DNAJC10: variants seen among roughly 807,000 people sequenced by gnomAD.
DNAJC10 encodes the protein endoplasmic reticulum disulfide reductase DNAJC10.
A neutral mutation model predicts 115.0 loss-of-function variants in DNAJC10; 101 were observed. That is an observed-to-expected ratio of 0.88 (90% CI 0.75 to 1.04). The LOEUF is 1.04. DNAJC10 is among the 50% of genes least tolerant of loss of function. The pLI is 0.00. For synonymous variants in DNAJC10, 307 were observed against 301.5 expected (o/e 1.02, Z -0.19); for missense variants, 981 against 928.8 (o/e 1.06, Z -0.73).
At chr2:182,751,141 T>G (rs959679375) in intron 14 of DNAJC10, among the ~76,000 whole-genome samples, 2 of 135,878 alleles carry the variant, frequency 1.5e-5, no homozygotes, top group Non-Finnish European at 3.1e-5. Context: ...TTTTTTTTTT[T>G]TTTTTTTTTT....
At chr2:182,770,366 C>T (rs533663533) in intron 22 of DNAJC10, among the ~76,000 whole-genome samples, 85 of 152,154 alleles carry the variant, frequency 5.6e-4, no homozygotes, top group African/African-American at 2.0e-3. Flanking sequence ...TCATTGGTAG[C>T]TTGATGGGGA....
chr2:182,719,688 GA>G (rs1167831523), intron 3 of DNAJC10, among the ~76,000 whole-genome samples: 3 of 151,704 alleles, frequency 2.0e-5, no homozygotes, highest in African/African-American at 7.3e-5. Flanking sequence ...ATGAAATTAA[GA>G]GTTTCAACAG....
At chr2:182,768,780 T>C (rs1242772434) in intron 22 of DNAJC10, among the ~76,000 whole-genome samples, 3 of 152,156 alleles carry the variant, frequency 2.0e-5, no homozygotes, top group Admixed American at 1.3e-4. Context: ...GTGCTAATGA[T>C]TGTATTAGAG....
At chr2:182,752,211 AT>A (rs1559015720) in intron 16 of DNAJC10, 23 bp downstream of exon 16, 1 of 1,245,226 alleles carries the variant, frequency 8.0e-7, no homozygotes, top group Non-Finnish European at 1.1e-6. Context: ...ATCAAAAATT[AT>A]TCTAATTAAT....
At chr2:182,738,980 AT>A (rs1162966929) in intron 11 of DNAJC10, among the ~76,000 whole-genome samples, 2 of 151,936 alleles carry the variant, frequency 1.3e-5, no homozygotes, top group Admixed American at 1.3e-4. Flanking sequence ...TTATAATGAG[AT>A]TCTAGTAGAT....
chr2:182,736,965 G>T (rs1693601054), intron 11 of DNAJC10, among the ~76,000 whole-genome samples: 1 of 152,166 alleles, frequency 6.6e-6, no homozygotes, highest in Non-Finnish European at 1.5e-5. Flanking sequence ...GGCCAGGCTG[G>T]TCTTGAACTC....
rs1192943860 is a variant in DNAJC10, at chr2:182,785,510, A to G, written c.*8378A>G. 1 of 152,132 alleles carries G rather than the reference A, an allele frequency of 6.6e-6. No individual in the cohort carries two copies. Among genetic ancestry groups the G allele is most frequent in the Non-Finnish European group, 1.5e-5 (1 of 67,994 alleles). 9.4% of individuals were successfully genotyped at this position (152,132 alleles called of 1,614,324 possible). A position where few individuals can be genotyped will look rare whatever the true frequency, so the allele number is the denominator to read the frequency against. On this transcript the variant is annotated 3_prime_UTR_variant, in exon 24 of 24. Coordinates refer to ENST00000264065, the MANE Select transcript of DNAJC10 (RefSeq NM_018981.4). Reference sequence around the variant, plus strand: ...ATTATCCTAATTAACTCGTTTGTTAAGTGGAAAAAATATTTCAGTAGGTAG... The same window carrying G: ...ATTATCCTAATTAACTCGTTTGTTAGGTGGAAAAAATATTTCAGTAGGTAG...
rs201003044 is a variant in DNAJC10, at chr2:182,738,603, C to T, written c.988-1696C>T. On this transcript the variant is annotated intron_variant, in intron 11 of 23. Transcript: ENST00000264065. ...TCGCCCAGGCTGGAGTGCAGTGGTG[C>T]GATCTCCACTCACTGCAAGCTCCAC... Among the ~76,000 whole-genome samples, 31 of 151,246 alleles carry T rather than the reference C, an allele frequency of 2.0e-4. No individual in the cohort carries two copies. In the East Asian group the frequency reaches 5.5e-3, roughly 27 times the overall value.
rs1694781741 is a variant in DNAJC10 at position 182,779,128 on chromosome 2, G to T, written c.*1996G>T. ...TGTCCTATAATTTGACCTAAGCTGT[G>T]TGCCTTTGGAATCAGCTCTAAGCCA... is the stretch of plus-strand genomic sequence containing the variant. On this transcript the variant is annotated 3_prime_UTR_variant, in exon 24 of 24. Coordinates refer to ENST00000264065, the MANE Select transcript of DNAJC10 (RefSeq NM_018981.4). 6.6e-6 allele frequency: 1 copy of T among 152,184 alleles called. No homozygotes were observed. Among genetic ancestry groups the T allele is most frequent in the South Asian group, 2.1e-4 (1 of 4,834 alleles). The allele number at this position is 152,184 out of a possible 1,614,324, so 9.4% of individuals were successfully genotyped here.
chr2:182,776,418 A>G (rs945384205), intron 23 of DNAJC10, among the ~76,000 whole-genome samples: 2 of 152,208 alleles, frequency 1.3e-5, no homozygotes, highest in African/African-American at 4.8e-5. Context: ...ACTGTAGATC[A>G]TACTTAAAAA....
chr2:182,720,805 T>C (rs760968424), intron 4 of DNAJC10, among the ~76,000 whole-genome samples: 6 of 152,164 alleles, frequency 3.9e-5, no homozygotes, highest in Non-Finnish European at 5.9e-5. Context: ...TTCAATATAT[T>C]TTAGAGCATC....
intron 22 of DNAJC10, among the ~76,000 whole-genome samples, chr2:182,765,673 C>T (rs143325612): frequency 1.2e-4 from 19 of 152,284 alleles, no homozygotes; most frequent in African/African-American, 4.6e-4. Context: ...GTGGTCGATT[C>T]TCTAACAACA....
intron 23 of DNAJC10, among the ~76,000 whole-genome samples, chr2:182,776,105 T>C (rs1694697279): frequency 6.6e-6 from 1 of 152,134 alleles, no homozygotes; most frequent in South Asian, 2.1e-4. Flanking sequence ...TGTGGGAATT[T>C]TATGGTATGT....
rs1043484364 is a variant in DNAJC10, at chr2:182,731,043, C to A, written c.741C>A (p.Asn247Lys). The change falls in exon 9 of 24, where the codon AAC becomes AAA. Residue 247 changes from asparagine (N) to lysine (K), a missense_variant. Asn to Lys is a moderately conservative substitution (Grantham distance 94). Coordinates refer to ENST00000264065, the MANE Select transcript of DNAJC10 (RefSeq NM_018981.4). ...VTELWTGNFV[N>K]SIQTAFAAGI... ...TTTATTTTTAAGGAAATTTTGTCAACTCCATACAAACTGCTTTTGCTGCTG... is the reference window on the plus strand; with the variant it reads ...TTTATTTTTAAGGAAATTTTGTCAAATCCATACAAACTGCTTTTGCTGCTG... The A allele has an allele frequency of 1.2e-6, 2 of 1,612,394 alleles. No homozygotes were observed. Among genetic ancestry groups the A allele is most frequent in the Non-Finnish European group, 1.7e-6 (2 of 1,179,182 alleles).
At chr2:182,755,595 T>C (rs940040892) in intron 17 of DNAJC10, among the ~76,000 whole-genome samples, 5 of 152,184 alleles carry the variant, frequency 3.3e-5, no homozygotes, top group African/African-American at 1.2e-4. Flanking sequence ...ATGTTTTGTC[T>C]TGTTTTCCCA....
chr2:182,779,139 A>G lies in DNAJC10; in HGVS notation c.*2007A>G, dbSNP rs2105716941. ...TTGACCTAAGCTGTGTGCCTTTGGA[A>G]TCAGCTCTAAGCCAGGGCCCCCTGG... On this transcript the variant is annotated 3_prime_UTR_variant, in exon 24 of 24. Transcript: ENST00000264065. The G allele has an allele frequency of 6.6e-6, 1 of 152,306 alleles. No homozygotes were observed. Among genetic ancestry groups the G allele is most frequent in the Non-Finnish European group, 1.5e-5 (1 of 68,014 alleles). The allele number at this position is 152,306 out of a possible 1,614,324, so 9.4% of individuals were successfully genotyped here.
At chr2:182,743,473 A>T (rs1170826888) in intron 13 of DNAJC10, 125 bp from the exon 14 acceptor site, 18 of 638,210 alleles carry the variant, frequency 2.8e-5, no homozygotes, top group Non-Finnish European at 4.7e-5. Flanking sequence ...TTATTTTCGT[A>T]GCCTATTAGC....
At chr2:182,740,677 A>G (rs1165018585) in intron 12 of DNAJC10, among the ~76,000 whole-genome samples, 1 of 152,204 alleles carries the variant, frequency 6.6e-6, no homozygotes, top group African/African-American at 2.4e-5. Context: ...GGTCTGATTC[A>G]TAACTTTTTG....
At chr2:182,732,701 G>T in intron 10 of DNAJC10, 159 bp downstream of exon 10, 1 of 634,018 alleles carries the variant, frequency 1.6e-6, no homozygotes, top group East Asian at 2.9e-5. Context: ...GTTTTTTCCT[G>T]AATAATTAGT....
Sources: gnomAD v4.1 joint callset for allele counts (sites outside exome capture counted in the v4.1 genomes callset) on GRCh38, gnomAD v4.1.1 for gene constraint, MANE v1.5 for transcripts, NCBI Gene and HGNC (gene_info 2026-07-23, HGNC 2026-07-21) for gene names.